The following PDCD6IP variants were observed in gnomAD, a reference collection of about 807,000 sequenced individuals.
PDCD6IP encodes the protein programmed cell death 6-interacting protein.
Under a neutral mutation model 103.7 loss-of-function variants are expected in PDCD6IP, and 43 were observed. That is an observed-to-expected ratio of 0.41 (90% CI 0.32 to 0.53). PDCD6IP has a LOEUF of 0.53. Among genes scored for constraint, PDCD6IP ranks in the 20% least tolerant of loss-of-function variants. The pLI, the probability that PDCD6IP is intolerant of heterozygous loss-of-function variation, is 0.16. For missense variants in PDCD6IP, 871 were observed against 1,036.7 expected (o/e 0.84, Z 2.20); for synonymous variants, 354 against 378.7 (o/e 0.93, Z 0.76).
At chr3:33,816,632 C>CACTGGATTTA (rs1696861019) in intron 3 of PDCD6IP, among the ~76,000 whole-genome samples, 1 of 151,484 alleles carries the variant, frequency 6.6e-6, no homozygotes, top group Non-Finnish European at 1.5e-5. Context: ...TTGGAGAAGT[C>CACTGGATTTA]ACTGGATTTA....
Position 33,813,661 on chromosome 3 carries a change from T to C in PDCD6IP, c.334+33T>C, listed in dbSNP as rs370110920. The C allele has an allele frequency of 3.0e-5, 36 of 1,200,784 alleles. No homozygotes were observed. In the African/African-American group the frequency reaches 4.4e-4, roughly 15 times the overall value. The allele number at this position is 1,200,784 out of a possible 1,614,324, so 74.4% of individuals were successfully genotyped here. On this transcript the variant is annotated intron_variant, in intron 3 of 17. Transcript: ENST00000307296. ...ATTTTTAATAAAAGTGATAGGAAAA[T>C]TGGTCTAACTACTTTGCATTGTTTT... is the stretch of plus-strand genomic sequence containing the variant.
chr3:33,849,161 C>T (rs1326304535), intron 12 of PDCD6IP, among the ~76,000 whole-genome samples: 2 of 152,178 alleles, frequency 1.3e-5, no homozygotes, highest in African/African-American at 4.8e-5. Context: ...TAGGTGATGC[C>T]ATTCCTGCCA....
intron 7 of PDCD6IP, 39 bp downstream of exon 7, chr3:33,829,008 G>A (rs1395232656): frequency 1.3e-6 from 2 of 1,495,800 alleles, no homozygotes; most frequent in Admixed American, 4.3e-5. Flanking sequence ...TAACTAACTT[G>A]GATCTCTCTT....
At chr3:33,845,709 G>A (rs1697578201) in intron 12 of PDCD6IP, 121 bp downstream of exon 12, 25 of 694,936 alleles carry the variant, frequency 3.6e-5, no homozygotes, top group East Asian at 1.6e-4. Flanking sequence ...AATAAATTGG[G>A]GTTGTTATAT....
At chr3:33,802,888 C>G (rs1696508615) in intron 1 of PDCD6IP, among the ~76,000 whole-genome samples, 1 of 152,190 alleles carries the variant, frequency 6.6e-6, no homozygotes, top group Admixed American at 6.5e-5. Context: ...CCTTCTCGTT[C>G]CAGCCTCACA....
chr3:33,864,232 C>CCA, intron 16 of PDCD6IP, 103 bp downstream of exon 16: 1 of 703,682 alleles, frequency 1.4e-6, no homozygotes, highest in African/African-American at 1.8e-5. Flanking sequence ...CTAGTGGTTA[C>CCA]CACCTGCATC....
chr3:33,846,779 G>C (rs1279636012), intron 12 of PDCD6IP, among the ~76,000 whole-genome samples: 1 of 152,188 alleles, frequency 6.6e-6, no homozygotes, highest in Non-Finnish European at 1.5e-5. Flanking sequence ...AGAATGGCTG[G>C]AATCTGTTTG....
At chr3:33,852,925 CT>C (rs200568485) in intron 13 of PDCD6IP, among the ~76,000 whole-genome samples, 189 bp downstream of exon 13, 151 of 119,626 alleles carry the variant, frequency 1.3e-3, no homozygotes, top group Non-Finnish European at 1.4e-3. Context: ...AAAGTCACTT[CT>C]TTTTTTTTTT....
At chr3:33,809,799 C>G (rs4129359) in intron 1 of PDCD6IP, among the ~76,000 whole-genome samples, 8 of 152,138 alleles carry the variant, frequency 5.3e-5, no homozygotes, top group East Asian at 1.9e-4. Context: ...TCTTTCATGA[C>G]CTTGACATTT....
intron 13 of PDCD6IP, among the ~76,000 whole-genome samples, chr3:33,853,068 C>T (rs572779213): frequency 5.3e-5 from 8 of 152,050 alleles, no homozygotes; most frequent in South Asian, 2.1e-4. Context: ...GGACTATAGG[C>T]GCCCGCCACC....
chr3:33,830,098 T>C (rs1697214346), intron 7 of PDCD6IP, among the ~76,000 whole-genome samples: 1 of 152,098 alleles, frequency 6.6e-6, no homozygotes, highest in African/African-American at 2.4e-5. Context: ...ACACATGAAC[T>C]TTGGGGGACA....
chr3:33,826,851 A>C, intron 6 of PDCD6IP: 1 of 1,212,438 alleles, frequency 8.2e-7, no homozygotes, highest in Non-Finnish European at 1.0e-6. Flanking sequence ...ATCTGTTTTC[A>C]ATACTTTTAT....
rs1171213399 is a variant in PDCD6IP at position 33,825,194 on chromosome 3, G to C, written c.470G>C (p.Ser157Thr). 6.2e-7 allele frequency: 1 copy of C among 1,607,880 alleles called. No homozygotes were observed. Among genetic ancestry groups the C allele is most frequent in the Admixed American group, 1.7e-5 (1 of 58,260 alleles). ...TCTTTTTCCCCCCTTTAGTTTGCTA[G>C]TGGTGCCTTTTTACATATTAAAGAG... Reference protein sequence around the residue: ...KIAAKHYQFASGAFLHIKETV... With the variant: ...KIAAKHYQFATGAFLHIKETV... The change falls in exon 5 of 18, where the codon AGT becomes ACT. Residue 157 changes from serine (S) to threonine (T), a missense_variant. By Grantham distance (58) the Ser-to-Thr change is moderately conservative. Transcript: ENST00000307296.
intron 7 of PDCD6IP, among the ~76,000 whole-genome samples, chr3:33,835,733 A>G (rs942529932): frequency 6.6e-6 from 1 of 152,080 alleles, no homozygotes; most frequent in Non-Finnish European, 1.5e-5. Context: ...AAAAAGAAGG[A>G]AAAAAAGAAA....
At chr3:33,841,524 C>T (rs374720268) in intron 9 of PDCD6IP, among the ~76,000 whole-genome samples, 14 of 146,386 alleles carry the variant, frequency 9.6e-5, no homozygotes, top group African/African-American at 2.3e-4. Context: ...CTGCAAGCTC[C>T]GCCTCCCGGG....
chr3:33,852,835 A>C, intron 13 of PDCD6IP, 99 bp downstream of exon 13: 2 of 1,374,370 alleles, frequency 1.5e-6, no homozygotes, highest in Non-Finnish European at 1.9e-6. Flanking sequence ...ACATTGGAGA[A>C]TATCTGTAGT....
chr3:33,817,072 G>C (rs1471445540), intron 3 of PDCD6IP, among the ~76,000 whole-genome samples: 1 of 152,178 alleles, frequency 6.6e-6, no homozygotes, highest in Non-Finnish European at 1.5e-5. Flanking sequence ...GGAATACTAA[G>C]AATAAAAATG....
intron 15 of PDCD6IP, among the ~76,000 whole-genome samples, chr3:33,859,352 A>G (rs2125450323): frequency 6.6e-6 from 1 of 151,992 alleles, no homozygotes; most frequent in Non-Finnish European, 1.5e-5. Context: ...GAAGCCATTA[A>G]AAAAAAAGAA....
intron 3 of PDCD6IP, among the ~76,000 whole-genome samples, chr3:33,820,378 C>G (rs1696962893): frequency 6.6e-6 from 1 of 152,066 alleles, no homozygotes. Flanking sequence ...CTGTAGGTAC[C>G]TCATACAAGT....
Sources: allele counts gnomAD v4.1 joint callset (sites outside exome capture counted in the v4.1 genomes callset), GRCh38; gene constraint gnomAD v4.1.1; transcripts MANE v1.5; gene names NCBI Gene and HGNC (gene_info 2026-07-23, HGNC 2026-07-21).